Variants in NRXN1 observed in about 807,000 individuals in gnomAD.
NRXN1 encodes neurexin 1.
In NRXN1, 39 loss-of-function variants were observed where a neutral mutation model predicts 150.9. The observed-to-expected ratio is 0.26, with a 90% confidence interval of 0.20 to 0.34. NRXN1 has a LOEUF of 0.34. NRXN1 is among the 10% of genes least tolerant of loss of function. NRXN1 has a pLI of 1.00. For synonymous variants in NRXN1, 924 were observed against 757.0 expected (o/e 1.22, Z -3.62); for missense variants, 1,815 against 1,949.9 (o/e 0.93, Z 1.30).
intron 5 of NRXN1, chr2:50,918,474 TTA>T (rs1685524407): frequency 2.9e-6 from 1 of 344,070 alleles, no homozygotes; most frequent in African/African-American, 2.1e-5. Flanking sequence ...TTATGATGAC[TTA>T]TGAAGGAAAA....
intron 5 of NRXN1, among the ~76,000 whole-genome samples, chr2:50,626,497 G>A (rs1462081701): frequency 6.6e-6 from 1 of 151,914 alleles, no homozygotes; most frequent in African/African-American, 2.4e-5. Context: ...AATTTACACT[G>A]TCAAGCATTT....
intron 8 of NRXN1, among the ~76,000 whole-genome samples, chr2:50,618,413 T>G (rs1679389511): frequency 6.6e-6 from 1 of 152,144 alleles, no homozygotes; most frequent in South Asian, 2.1e-4. Context: ...GTTAAATAAT[T>G]TAATAATTCA....
Position 49,939,074 on chromosome 2 carries a change from A to G in NRXN1, c.4216+4630T>C, listed in dbSNP as rs199952198. ...TCTTGGAAAATATGTGCGTGTGTGT[A>G]TAAAAATAACAAATACTAATAACAG... On this transcript the variant is annotated intron_variant, in intron 22 of 22. Coordinates refer to ENST00000401669, the MANE Select transcript of NRXN1 (RefSeq NM_001330078.2). Among the ~76,000 whole-genome samples the G allele has an allele frequency of 2.0e-5, 3 of 152,310 alleles. No individual in the cohort carries two copies. In the East Asian group the frequency reaches 5.8e-4, roughly 29 times the overall value.
intron 21 of NRXN1, among the ~76,000 whole-genome samples, chr2:49,987,115 C>T (rs946697197): frequency 6.6e-6 from 1 of 152,014 alleles, no homozygotes; most frequent in African/African-American, 2.4e-5. Context: ...AACACTAGGA[C>T]TTATTCCTCC....
rs368038408 is a variant in NRXN1, at chr2:50,634,068, C to T, written c.833-10453G>A. 3.3e-5 allele frequency among the ~76,000 whole-genome samples: 5 copies of T among 152,260 alleles called. 1 individual carries two copies. The highest frequency in any genetic ancestry group is 7.2e-5 in the African/African-American group (3 of 41,560). On this transcript the variant is annotated intron_variant, in intron 5 of 22. Transcript: ENST00000401669. ...GTGACACTGGGGCAATGTGGGAATA[C>T]AATGAAATCAGAGCTGTGGGATGGG...
chr2:50,334,970 T>C lies in NRXN1; in HGVS notation c.3365-98000A>G, dbSNP rs547028299. Among the ~76,000 whole-genome samples, 7 of 152,270 alleles carry C rather than the reference T, an allele frequency of 4.6e-5. No individual in the cohort carries two copies. In the East Asian group the frequency reaches 1.4e-3, roughly 29 times the overall value. ...CTGTTGATATCACAGCTTAAAGGCTTTCTTCAGACTCCGGGAGAGAAAGTG... is the reference window on the plus strand; with the variant it reads ...CTGTTGATATCACAGCTTAAAGGCTCTCTTCAGACTCCGGGAGAGAAAGTG... On this transcript the variant is annotated intron_variant, in intron 17 of 22. Transcript: ENST00000401669.
rs117442923 is a variant in NRXN1 at position 50,359,038 on chromosome 2, C to T, written c.3364+106404G>A. Among the ~76,000 whole-genome samples the T allele has an allele frequency of 1.5e-3, 235 of 152,286 alleles. 12 individuals are homozygous for T. The East Asian group carries it at 0.034, about 22-fold the overall frequency. ...GGAAAACAAACAGCAGGAAAACTAACAAACAGAAAGCAATAGCATCAACAT... is the reference window on the plus strand; with the variant it reads ...GGAAAACAAACAGCAGGAAAACTAATAAACAGAAAGCAATAGCATCAACAT... On this transcript the variant is annotated intron_variant, in intron 17 of 22. Coordinates refer to ENST00000401669, the MANE Select transcript of NRXN1 (RefSeq NM_001330078.2).
intron 5 of NRXN1, among the ~76,000 whole-genome samples, chr2:50,782,188 A>G (rs1704437296): frequency 6.6e-6 from 1 of 152,020 alleles, no homozygotes; most frequent in Non-Finnish European, 1.5e-5. Context: ...AAATTAGGAG[A>G]AGGGAAAATA....
chr2:50,566,933 T>C (rs1206533902), intron 8 of NRXN1, among the ~76,000 whole-genome samples: 3 of 152,116 alleles, frequency 2.0e-5, no homozygotes, highest in African/African-American at 7.2e-5. Flanking sequence ...TTATCCCTTT[T>C]CTCTTTTTCG....
intron 15 of NRXN1, among the ~76,000 whole-genome samples, chr2:50,481,192 A>G (rs1417497946): frequency 2.0e-5 from 3 of 152,244 alleles, no homozygotes; most frequent in Admixed American, 1.3e-4. Context: ...TACACCCTGT[A>G]CACTCTAAGT....
At chr2:50,298,447 C>T (rs1039136577) in intron 17 of NRXN1, among the ~76,000 whole-genome samples, 2 of 152,082 alleles carry the variant, frequency 1.3e-5, no homozygotes, top group Admixed American at 6.6e-5. Context: ...TCATGAAAGA[C>T]CTCCTAAAAA....
intron 17 of NRXN1, among the ~76,000 whole-genome samples, chr2:50,416,132 A>G (rs2083522679): frequency 6.6e-6 from 1 of 152,128 alleles, no homozygotes. Context: ...CAGATGGGCA[A>G]TAAACAGAAT....
chr2:50,278,285 A>ATATTATATATATTAT (rs1558437343), intron 17 of NRXN1, among the ~76,000 whole-genome samples: 1 of 60,714 alleles, frequency 1.6e-5, no homozygotes, highest in African/African-American at 6.4e-5. Flanking sequence ...TTATATATAT[A>ATATTATATATATTAT]ATACATATAT....
chr2:50,205,003 T>G (rs746146298), intron 18 of NRXN1, among the ~76,000 whole-genome samples: 1 of 151,986 alleles, frequency 6.6e-6, no homozygotes, highest in Non-Finnish European at 1.5e-5. Context: ...CAAACACTAA[T>G]CCTATATATG....
intron 21 of NRXN1, among the ~76,000 whole-genome samples, chr2:49,979,340 A>C (rs1679572944): frequency 6.6e-6 from 1 of 152,210 alleles, no homozygotes; most frequent in Non-Finnish European, 1.5e-5. Context: ...GTTGATGTTC[A>C]GTAAGAGATA....
chr2:50,982,374 AT>A (rs1029283809), intron 2 of NRXN1, among the ~76,000 whole-genome samples: 9 of 152,064 alleles, frequency 5.9e-5, no homozygotes, highest in African/African-American at 2.2e-4. Context: ...CATTGACACT[AT>A]TTTGTTTTTT....
intron 17 of NRXN1, among the ~76,000 whole-genome samples, chr2:50,355,331 T>C (rs1169270881): frequency 6.6e-6 from 1 of 150,754 alleles, no homozygotes. Flanking sequence ...TTGTCAGAGA[T>C]ATTCTGATGT....
At chr2:50,488,475 A>G (rs2091032170) in intron 15 of NRXN1, among the ~76,000 whole-genome samples, 1 of 152,232 alleles carries the variant, frequency 6.6e-6, no homozygotes, top group Admixed American at 6.5e-5. Context: ...GAACAAGGGA[A>G]TGATCCTTGG....
Position 50,287,430 on chromosome 2 carries a change from T to C in NRXN1, c.3365-50460A>G, listed in dbSNP as rs978533635. The stretch of plus-strand genomic sequence containing the variant: ...GACATTGTTGTCTTCCAAATGTTCA[T>C]ATAATTTCCATTTTAATGCTTTTGT... On this transcript the variant is annotated intron_variant, in intron 17 of 22. Coordinates refer to ENST00000401669, the MANE Select transcript of NRXN1 (RefSeq NM_001330078.2). Among the ~76,000 whole-genome samples, 4 of 152,270 alleles carry C rather than the reference T, an allele frequency of 2.6e-5. No individual in the cohort carries two copies. In the South Asian group the frequency reaches 8.3e-4, roughly 32 times the overall value.
Sources: gnomAD v4.1 joint callset for allele counts (sites outside exome capture counted in the v4.1 genomes callset) on GRCh38, gnomAD v4.1.1 for gene constraint, MANE v1.5 for transcripts, NCBI Gene and HGNC (gene_info 2026-07-23, HGNC 2026-07-21) for gene names.